Variants in TSHZ3 observed in about 807,000 individuals in gnomAD.
TSHZ3 encodes teashirt homolog 3.
TSHZ3 carries 10 observed loss-of-function variants against 64.5 expected under a neutral mutation model. The observed-to-expected ratio is 0.16, with a 90% CI of 0.10 to 0.26. TSHZ3 has a LOEUF of 0.26. TSHZ3 is among the 10% of genes least tolerant of loss of function. The pLI, the probability that TSHZ3 is intolerant of heterozygous loss-of-function variation, is 1.00. For synonymous variants in TSHZ3, 608 were observed against 593.1 expected, an observed-to-expected ratio of 1.03 and a Z score of -0.36; for missense variants, 1,242 against 1,421.7, an observed-to-expected ratio of 0.87 and a Z score of 2.03.
intron 1 of TSHZ3, among the ~76,000 whole-genome samples, chr19:31,252,221 G>T (rs1313805281): frequency 2.0e-5 from 3 of 152,186 alleles, no homozygotes; most frequent in Admixed American, 1.3e-4. Flanking sequence ...GGCTTCAGGG[G>T]AAAATCCGTT....
intron 1 of TSHZ3, among the ~76,000 whole-genome samples, chr19:31,254,774 T>A (rs140335612): frequency 6.6e-6 from 1 of 152,156 alleles, no homozygotes. Flanking sequence ...CTAGTGCGTG[T>A]CTAAGGACAG....
At chr19:31,258,397 T>C (rs1460652832) in intron 1 of TSHZ3, among the ~76,000 whole-genome samples, 1 of 152,182 alleles carries the variant, frequency 6.6e-6, no homozygotes, top group Admixed American at 6.5e-5. Context: ...GCTGTCTTGA[T>C]GGCCAGGAGA....
intron 1 of TSHZ3, among the ~76,000 whole-genome samples, chr19:31,260,158 C>G (rs1027795265): frequency 6.6e-6 from 1 of 152,118 alleles, no homozygotes; most frequent in Non-Finnish European, 1.5e-5. Context: ...GGGTCTGCAT[C>G]CCTTTGCTGT....
At chr19:31,333,002 G>A (rs1162997369) in intron 1 of TSHZ3, among the ~76,000 whole-genome samples, 2 of 151,984 alleles carry the variant, frequency 1.3e-5, no homozygotes, top group Non-Finnish European at 2.9e-5. Flanking sequence ...CTACTCAGGA[G>A]GCTGAGGTGG....
chr19:31,345,977 G>C (rs1029326188), intron 1 of TSHZ3, among the ~76,000 whole-genome samples: 1 of 152,140 alleles, frequency 6.6e-6, no homozygotes, highest in South Asian at 2.1e-4. Context: ...GAAATTACAG[G>C]TCTCAAGGAA....
At chr19:31,265,604 G>A (rs1258038755) in intron 1 of TSHZ3, among the ~76,000 whole-genome samples, 2 of 151,938 alleles carry the variant, frequency 1.3e-5, no homozygotes, top group African/African-American at 2.4e-5. Context: ...GACATTATTC[G>A]AGATGCACAG....
intron 5 of TSHZ3, among the ~76,000 whole-genome samples, chr19:31,185,174 A>G (rs7256018): frequency 0.015 from 2,222 of 151,216 alleles, 47 homozygotes; most frequent in African/African-American, 0.051. Flanking sequence ...CCCTTCCGCC[A>G]GTGGCCGCCA....
intron 5 of TSHZ3, among the ~76,000 whole-genome samples, chr19:31,188,314 A>G (rs939173392): frequency 1.3e-5 from 2 of 151,930 alleles, no homozygotes; most frequent in Admixed American, 6.6e-5. Flanking sequence ...TTCTACATGT[A>G]TAAATAATTA....
chr19:31,268,180 A>G (rs1976081819), intron 1 of TSHZ3, among the ~76,000 whole-genome samples: 1 of 152,078 alleles, frequency 6.6e-6, no homozygotes, highest in African/African-American at 2.4e-5. Flanking sequence ...ATCTTCCTCA[A>G]TGGCCGTGAG....
intron 4 of TSHZ3, among the ~76,000 whole-genome samples, chr19:31,215,467 A>G (rs1232602705): frequency 6.6e-6 from 1 of 152,236 alleles, no homozygotes; most frequent in Admixed American, 6.5e-5. Flanking sequence ...TATCAGAAAT[A>G]GGGTAAAAAT....
intron 1 of TSHZ3, among the ~76,000 whole-genome samples, chr19:31,317,715 G>A (rs1259497346): frequency 6.6e-6 from 1 of 152,236 alleles, no homozygotes; most frequent in African/African-American, 2.4e-5. Flanking sequence ...CTCCCAAGAA[G>A]GGGCGGCTTG....
intron 1 of TSHZ3, among the ~76,000 whole-genome samples, chr19:31,294,950 A>G (rs1976638098): frequency 6.6e-6 from 1 of 152,078 alleles, no homozygotes; most frequent in African/African-American, 2.4e-5. Flanking sequence ...TATATATCAA[A>G]ATTGAAAATA....
At chr19:31,235,844 A>G (rs1329352218) in intron 3 of TSHZ3, among the ~76,000 whole-genome samples, 3 of 150,456 alleles carry the variant, frequency 2.0e-5, no homozygotes, top group African/African-American at 2.4e-5. Flanking sequence ...CCTCCAAAGT[A>G]TCTGGGATTA....
chr19:31,323,863 A>AACACACACAC (rs58051976), intron 1 of TSHZ3, among the ~76,000 whole-genome samples: 2,506 of 122,302 alleles, frequency 0.02, 100 homozygotes, highest in Non-Finnish European at 0.031. Context: ...CCTGGCCTCC[A>AACACACACAC]ACACACACAC....
chr19:31,174,431 C>A (rs772809473), intron 5 of TSHZ3, among the ~76,000 whole-genome samples: 1 of 152,188 alleles, frequency 6.6e-6, no homozygotes, highest in Non-Finnish European at 1.5e-5. Flanking sequence ...TGGAGGGCCA[C>A]CTGCTTTGCT....
chr19:31,228,450 C>A (rs1975499967), intron 3 of TSHZ3, among the ~76,000 whole-genome samples: 1 of 151,076 alleles, frequency 6.6e-6, no homozygotes, highest in Admixed American at 6.6e-5. Context: ...CACATGAGCC[C>A]CGGAGGCAGA....
intron 5 of TSHZ3, among the ~76,000 whole-genome samples, chr19:31,180,782 G>A (rs910512854): frequency 4.6e-5 from 7 of 152,056 alleles, no homozygotes; most frequent in African/African-American, 1.4e-4. Flanking sequence ...TATGATAACC[G>A]CCATCAGGCC....
At chr19:31,290,646 A>G (rs1976548143) in intron 1 of TSHZ3, among the ~76,000 whole-genome samples, 1 of 152,174 alleles carries the variant, frequency 6.6e-6, no homozygotes, top group African/African-American at 2.4e-5. Context: ...GATGGAGGTC[A>G]TGGCCTCTAG....
In TSHZ3 at chr19:31,158,822, C is replaced by T. The variant is rs57056763; in HGVS notation, n.810-2405G>A. ...AGCATGCAACTAGATCCCTCACATG[C>T]TCAGTTCACAATAGGGGTGGTGCTC... is the stretch of plus-strand genomic sequence containing the variant. On this transcript the variant is annotated intron_variant and non_coding_transcript_variant, in intron 5 of 6. Coordinates refer to the TSHZ3 transcript ENST00000651361. Among the ~76,000 whole-genome samples the T allele has an allele frequency of 1.7e-3, 254 of 152,192 alleles. 1 individual carries two copies. The highest frequency in any genetic ancestry group is 6.0e-3 in the African/African-American group (251 of 41,512).
Sources: gnomAD v4.1 joint callset for allele counts (sites outside exome capture counted in the v4.1 genomes callset) on GRCh38, gnomAD v4.1.1 for gene constraint, MANE v1.5 for transcripts, NCBI Gene and HGNC (gene_info 2026-07-23, HGNC 2026-07-21) for gene names.